Variants in SORCS2 observed in about 807,000 individuals in gnomAD.
SORCS2 encodes VPS10 domain-containing receptor SorCS2.
Under a neutral mutation model 141.6 loss-of-function variants are expected in SORCS2, and 100 were observed. That is an observed-to-expected ratio of 0.71 (90% CI 0.60 to 0.83). The LOEUF is 0.83. Ranked by LOEUF, SORCS2 falls within the 40% of genes least tolerant of loss-of-function variation. SORCS2 has a pLI of 0.00. For missense variants in SORCS2, 1,646 were observed against 1,560.2 expected (o/e 1.05, Z -0.93); for synonymous variants, 789 against 676.9 (o/e 1.17, Z -2.57).
chr4:7,619,663 C>G (rs1328515520), intron 3 of SORCS2, among the ~76,000 whole-genome samples: 1 of 152,200 alleles, frequency 6.6e-6, no homozygotes, highest in African/African-American at 2.4e-5. Flanking sequence ...TTGATGTGCC[C>G]TCCCTCTCCC....
chr4:7,549,423 G>C (rs1367765151), intron 3 of SORCS2, among the ~76,000 whole-genome samples: 3 of 151,672 alleles, frequency 2.0e-5, no homozygotes, highest in Non-Finnish European at 4.4e-5. Flanking sequence ...GGGGCATTGG[G>C]TGGGGGACTG....
At position 7,201,243 on chromosome 4, in the gene SORCS2, C is replaced by T. The variant is rs1727469251; in HGVS notation, c.480+8117C>T. On this transcript the variant is annotated intron_variant, in intron 1 of 26. Coordinates refer to ENST00000507866, the MANE Select transcript of SORCS2 (RefSeq NM_020777.3). This position sits in a 1 kb window ranked among gnomAD's most constrained non-coding sequence, Gnocchi z 4.4. ...AGGAGAGGCCTAGGGGCTGGAGCAG[C>T]CTGGAGCGCTCATGGGCACAGGAGA... 6.6e-6 allele frequency among the ~76,000 whole-genome samples: 1 copy of T among 152,182 alleles called. No homozygotes were observed. Among genetic ancestry groups the T allele is most frequent in the African/African-American group, 2.4e-5 (1 of 41,440 alleles).
intron 2 of SORCS2, among the ~76,000 whole-genome samples, chr4:7,465,985 CCCAGGGCT>C (rs1185812772): frequency 1.3e-5 from 2 of 152,096 alleles, no homozygotes. Context: ...AGGGTGGGAA[CCCAGGGCT>C]CCAGGTTGAT....
rs190244436 is a variant in SORCS2, at chr4:7,345,896, A to G, written c.481-50392A>G. Among the ~76,000 whole-genome samples the G allele has an allele frequency of 5.3e-5, 8 of 152,150 alleles. No homozygotes were observed. The East Asian group carries it at 1.5e-3, about 29-fold the overall frequency. On this transcript the variant is annotated intron_variant, in intron 1 of 26. Coordinates refer to ENST00000507866, the MANE Select transcript of SORCS2 (RefSeq NM_020777.3). ...CCCTCCGGTGGGTACCTGCCCTTAG[A>G]ACACTTTCTTCCTCATCTGCCATCT...
chr4:7,436,755 G>A (rs77765933), intron 2 of SORCS2, among the ~76,000 whole-genome samples: 2 of 152,280 alleles, frequency 1.3e-5, no homozygotes, highest in Middle Eastern at 3.4e-3. Context: ...TTGTCTACTC[G>A]ACCCTTGATG....
rs1320422874 is a variant in SORCS2 at position 7,729,674 on chromosome 4, C to T, written c.3070C>T (p.Pro1024Ser). 4 of 1,609,486 alleles carry T rather than the reference C, an allele frequency of 2.5e-6. No individual in the cohort carries two copies. Among genetic ancestry groups the T allele is most frequent in the Admixed American group, 1.7e-5 (1 of 59,528 alleles). Residue 1024 changes from proline (P) to serine (S), a missense_variant, in exon 23 of 27, where the codon CCC (proline) becomes TCC (serine). Transcript: ENST00000507866. ...LADLYVLLPPPRPTRKRSLSS... is the reference protein window; with the variant it reads ...LADLYVLLPPSRPTRKRSLSS... ...CGATCTGTACGTGCTCCTGCCCCCT[C>T]CCAGGCCCACAAGGAAGAGGAGCCT...
At chr4:7,297,097 T>C (rs765287249) in intron 1 of SORCS2, among the ~76,000 whole-genome samples, 1 of 151,992 alleles carries the variant, frequency 6.6e-6, no homozygotes, top group Non-Finnish European at 1.5e-5. Context: ...GGGGGGGTCC[T>C]CCCCACCTCC....
chr4:7,648,373 CA>C lies in SORCS2; in HGVS notation c.814-5760del, dbSNP rs990732647. ...AAATGGGGACTGAGTCACTTCCTGG[CA>C]GGAGAGGATCCTGGAAGGGGGATGT... is the stretch of plus-strand genomic sequence containing the variant. On this transcript the variant is annotated intron_variant, in intron 4 of 26. Transcript: ENST00000507866. This position sits in a 1 kb window ranked among gnomAD's most constrained non-coding sequence, Gnocchi z 4.2. Among the ~76,000 whole-genome samples, 24 of 152,034 alleles carry C rather than the reference CA, an allele frequency of 1.6e-4. No homozygotes were observed. Among genetic ancestry groups the C allele is most frequent in the African/African-American group, 5.3e-4 (22 of 41,390 alleles).
intron 3 of SORCS2, 77 bp downstream of exon 3, chr4:7,531,706 GC>G: frequency 7.1e-7 from 1 of 1,403,164 alleles, no homozygotes. Flanking sequence ...GGAAGCTGCT[GC>G]CCTGCCCTGC....
At chr4:7,325,988 G>A (rs1265410258) in intron 1 of SORCS2, among the ~76,000 whole-genome samples, 1 of 152,134 alleles carries the variant, frequency 6.6e-6, no homozygotes, top group African/African-American at 2.4e-5. Flanking sequence ...GAGTGAGCAG[G>A]GAGGGCTTCT....
At chr4:7,579,723 A>C (rs1716018859) in intron 3 of SORCS2, among the ~76,000 whole-genome samples, 1 of 152,190 alleles carries the variant, frequency 6.6e-6, no homozygotes, top group South Asian at 2.1e-4. Context: ...TTCAGTGTGC[A>C]GAGGTGGATG....
At position 7,286,626 on chromosome 4, in the gene SORCS2, G is replaced by A. The variant is rs921119920; in HGVS notation, c.480+93500G>A. Among the ~76,000 whole-genome samples, 4 of 152,316 alleles carry A rather than the reference G, an allele frequency of 2.6e-5. No individual in the cohort carries two copies. The highest frequency in any genetic ancestry group is 5.9e-5 in the Non-Finnish European group (4 of 68,028). On this transcript the variant is annotated intron_variant, in intron 1 of 26. Coordinates refer to ENST00000507866, the MANE Select transcript of SORCS2 (RefSeq NM_020777.3). This position sits in a 1 kb window ranked among gnomAD's most constrained non-coding sequence, Gnocchi z 4.1. ...CGTATCTTACGGATGGAGGACACAG[G>A]CCCAGGGAGGGAGGTGCTCATGGTT...
chr4:7,445,417 A>T (rs996071537), intron 2 of SORCS2, among the ~76,000 whole-genome samples: 2 of 152,126 alleles, frequency 1.3e-5, no homozygotes, highest in Non-Finnish European at 2.9e-5. Flanking sequence ...GTGGGAGGGC[A>T]TCCTGGGAAG....
chr4:7,499,478 G>A (rs564672763), intron 2 of SORCS2, among the ~76,000 whole-genome samples: 1 of 152,174 alleles, frequency 6.6e-6, no homozygotes, highest in Non-Finnish European at 1.5e-5. Flanking sequence ...GGGCCCAGAG[G>A]TGGGGGCCTG....
chr4:7,704,675 TG>T (rs1725303256), intron 14 of SORCS2, among the ~76,000 whole-genome samples: 1 of 152,106 alleles, frequency 6.6e-6, no homozygotes, highest in African/African-American at 2.4e-5. Context: ...AGCCCCAGCT[TG>T]GGCCAAAAAA....
At chr4:7,216,958 G>GCACTGCGTGGTGGTTCCCA (rs1560117849) in intron 1 of SORCS2, among the ~76,000 whole-genome samples, 4 of 152,098 alleles carry the variant, frequency 2.6e-5, no homozygotes, top group African/African-American at 9.7e-5. Flanking sequence ...GGCGGTTCCC[G>GCACTGCGTGGTGGTTCCCA]TGGCTCTTCT....
chr4:7,224,187 G>C lies in SORCS2; in HGVS notation c.480+31061G>C, dbSNP rs537952096. On this transcript the variant is annotated intron_variant, in intron 1 of 26. Coordinates refer to ENST00000507866, the MANE Select transcript of SORCS2 (RefSeq NM_020777.3). Reference sequence around the variant, plus strand: ...CAGGAAGCTTGGCTCTGCCCAGGTGGCTTGGGAACCTTGCAGGGCTGAGCC... The same window carrying C: ...CAGGAAGCTTGGCTCTGCCCAGGTGCCTTGGGAACCTTGCAGGGCTGAGCC... Among the ~76,000 whole-genome samples, 7 of 152,310 alleles carry C rather than the reference G, an allele frequency of 4.6e-5. No individual in the cohort carries two copies. The South Asian group carries it at 1.4e-3, about 32-fold the overall frequency.
chr4:7,261,283 C>G (rs1184880388), intron 1 of SORCS2, among the ~76,000 whole-genome samples: 5 of 152,192 alleles, frequency 3.3e-5, no homozygotes, highest in Non-Finnish European at 1.5e-5. Flanking sequence ...AATTTGGAGA[C>G]CCTTCAAAGG....
At chr4:7,447,912 G>A (rs1728101733) in intron 2 of SORCS2, among the ~76,000 whole-genome samples, 1 of 150,938 alleles carries the variant, frequency 6.6e-6, no homozygotes, top group South Asian at 2.1e-4. Flanking sequence ...CCCTCCCTCC[G>A]CCCCTAGATG....
Sources: gnomAD v4.1 joint callset for allele counts (sites outside exome capture counted in the v4.1 genomes callset) on GRCh38, gnomAD v4.1.1 for gene constraint, Gnocchi (gnomAD v3.1) non-coding constraint, MANE v1.5 for transcripts, NCBI Gene and HGNC (gene_info 2026-07-23, HGNC 2026-07-21) for gene names.